The following PI4KA variants were observed in gnomAD, a reference collection of about 807,000 sequenced individuals.
PI4KA encodes the protein PI4-kinase alpha.
Under a neutral mutation model 271.4 loss-of-function variants are expected in PI4KA, and 122 were observed. The observed-to-expected ratio is 0.45, with a 90% confidence interval of 0.39 to 0.52. The LOEUF (loss-of-function observed/expected upper bound fraction) is 0.52, where lower values mean the gene tolerates loss of function less well. PI4KA is among the 20% of genes least tolerant of loss of function. The pLI, the probability that PI4KA is intolerant of heterozygous loss-of-function variation, is 0.00. For synonymous variants in PI4KA, 1,041 were observed against 1,078.8 expected, an observed-to-expected ratio of 0.96 and a Z score of 0.69; for missense variants, 1,969 against 2,769.1, an observed-to-expected ratio of 0.71 and a Z score of 6.48.
rs964470690 is a variant in PI4KA at position 20,836,377 on chromosome 22, A to G, written c.274-1722T>C. Among the ~76,000 whole-genome samples, 5 of 152,340 alleles carry G rather than the reference A, an allele frequency of 3.3e-5. No homozygotes were observed. The East Asian group carries it at 9.7e-4, about 29-fold the overall frequency. ...AAAACAAAGAACTTTATCAAAAACA[A>G]AAGTTTTTTCTCTAAACCATAAAAA... On this transcript the variant is annotated intron_variant, in intron 2 of 54. Coordinates refer to ENST00000255882, the MANE Select transcript of PI4KA (RefSeq NM_058004.4).
At chr22:20,758,459 C>CTT (rs35401829) in intron 23 of PI4KA, among the ~76,000 whole-genome samples, 966 of 84,990 alleles carry the variant, frequency 0.011, 18 homozygotes, top group East Asian at 0.057. Context: ...TCTTTCTTTT[C>CTT]TTTTTTTTTT....
chr22:20,813,061 T>A (rs1421499306), intron 8 of PI4KA, among the ~76,000 whole-genome samples: 2 of 152,210 alleles, frequency 1.3e-5, no homozygotes, highest in Non-Finnish European at 2.9e-5. Flanking sequence ...CTGGACTGGA[T>A]GCAGCCCAGC....
At chr22:20,727,466 G>T in intron 40 of PI4KA, 69 bp from the exon 41 acceptor site, 1 of 1,385,132 alleles carries the variant, frequency 7.2e-7, no homozygotes. Flanking sequence ...CTGGTCCACG[G>T]GCCACACAAG....
chr22:20,851,579 G>A (rs1275985536), intron 1 of PI4KA, among the ~76,000 whole-genome samples: 1 of 152,094 alleles, frequency 6.6e-6, no homozygotes, highest in East Asian at 1.9e-4. Context: ...CTCAGGTGAT[G>A]TGCCTGCCTC....
chr22:20,837,117 G>C (rs187375716), intron 2 of PI4KA, among the ~76,000 whole-genome samples: 1 of 152,162 alleles, frequency 6.6e-6, no homozygotes, highest in African/African-American at 2.4e-5. Context: ...AGCTGGGTAT[G>C]GTGGCACATG....
chr22:20,853,568 G>GGGT (rs1927246860), intron 1 of PI4KA, among the ~76,000 whole-genome samples: 1 of 152,216 alleles, frequency 6.6e-6, no homozygotes, highest in African/African-American at 2.4e-5. Flanking sequence ...GGAGAGGGCT[G>GGGT]AGGACTGGGT....
At chr22:20,758,437 G>T (rs1439434657) in intron 23 of PI4KA, among the ~76,000 whole-genome samples, 2 of 134,662 alleles carry the variant, frequency 1.5e-5, no homozygotes, top group East Asian at 2.2e-4. Context: ...AAGATTTTTT[G>T]TGTGTGATTT....
intron 19 of PI4KA, among the ~76,000 whole-genome samples, chr22:20,767,936 A>T (rs1455696910): frequency 1.4e-5 from 2 of 141,544 alleles, no homozygotes; most frequent in Non-Finnish European, 1.5e-5. Context: ...CACCTGGCCT[A>T]ATTATTATTA....
At chr22:20,816,856 G>C (rs890603794) in intron 7 of PI4KA, among the ~76,000 whole-genome samples, 26 of 152,210 alleles carry the variant, frequency 1.7e-4, no homozygotes, top group African/African-American at 6.3e-4. Context: ...TACTGGATGT[G>C]CTCAAAGTGG....
intron 54 of PI4KA, 61 bp downstream of exon 54, chr22:20,709,235 C>A (rs1431199999): frequency 1.4e-6 from 1 of 739,394 alleles, no homozygotes; most frequent in Non-Finnish European, 2.4e-6. Flanking sequence ...GCAGGCAAGG[C>A]CCTGCAGGTG....
At chr22:20,795,827 CT>C (rs1934950022) in intron 18 of PI4KA, among the ~76,000 whole-genome samples, 1 of 152,146 alleles carries the variant, frequency 6.6e-6, no homozygotes, top group Non-Finnish European at 1.5e-5. Flanking sequence ...GCTACCACCC[CT>C]GGGCTTCATG....
rs1056140494 is a variant in PI4KA at position 20,761,526 on chromosome 22, T to C, written c.2709-140A>G. On this transcript the variant is annotated intron_variant, in intron 22 of 54. Coordinates refer to ENST00000255882, the MANE Select transcript of PI4KA (RefSeq NM_058004.4). Reference sequence around the variant, plus strand: ...TAAGGGTGCACACTGAGGTGGACTTTTTGGAGGGTGAGGTGCACCATCTAT... The same window carrying C: ...TAAGGGTGCACACTGAGGTGGACTTCTTGGAGGGTGAGGTGCACCATCTAT... 7.2e-5 allele frequency: 47 copies of C among 656,386 alleles called. No individual in the cohort carries two copies. The African/African-American group carries it at 8.2e-4, about 11-fold the overall frequency. The allele number at this position is 656,386 out of a possible 1,614,324, so 40.7% of individuals were successfully genotyped here. A position where few individuals can be genotyped will look rare whatever the true frequency, so the allele number is the denominator to read the frequency against.
Position 20,793,067 on chromosome 22 carries a change from C to T in PI4KA, c.2328+126G>A, listed in dbSNP as rs1934750884. ...AAAAGCTGGTGATGGCTGCAGCAGT[C>T]ACATCTAGAGGCATAGGGGCCTCAA... On this transcript the variant is annotated intron_variant, in intron 19 of 54. Transcript: ENST00000255882. 1.5e-5 allele frequency: 10 copies of T among 660,568 alleles called. No individual in the cohort carries two copies. The South Asian group carries it at 1.7e-4, about 11-fold the overall frequency. 40.9% of individuals were successfully genotyped at this position (660,568 alleles called of 1,614,324 possible). A position where few individuals can be genotyped will look rare whatever the true frequency, so the allele number is the denominator to read the frequency against.
At chr22:20,711,764 T>A (rs963365895) in intron 50 of PI4KA, among the ~76,000 whole-genome samples, 5 of 151,974 alleles carry the variant, frequency 3.3e-5, no homozygotes, top group Non-Finnish European at 7.4e-5. Context: ...GTTTTTTTTT[T>A]AAATGGAGTC....
At chr22:20,749,836 TG>T in intron 28 of PI4KA, 68 bp downstream of exon 28, 2 of 923,630 alleles carry the variant, frequency 2.2e-6, no homozygotes, top group South Asian at 2.7e-5. Flanking sequence ...GAGTTCTTCA[TG>T]TCTCTGTAAA....
At chr22:20,774,041 T>C (rs903733317) in intron 19 of PI4KA, 1 of 152,178 alleles carries the variant, frequency 6.6e-6, no homozygotes, top group Non-Finnish European at 1.5e-5. Flanking sequence ...CTTATTTACT[T>C]TGGAAAATAT....
At chr22:20,787,123 C>A in intron 19 of PI4KA, 1 of 1,451,810 alleles carries the variant, frequency 6.9e-7, no homozygotes, top group Non-Finnish European at 9.7e-7. Context: ...TGTTTCCATT[C>A]CAACAACGAG....
intron 19 of PI4KA, chr22:20,787,347 G>A (rs1934330172): frequency 2.2e-6 from 1 of 465,000 alleles, no homozygotes; most frequent in Non-Finnish European, 4.0e-6. Flanking sequence ...CAGCAAACCT[G>A]AGCAGCGCGT....
intron 42 of PI4KA, chr22:20,721,633 T>C: frequency 3.6e-6 from 2 of 549,990 alleles, no homozygotes; most frequent in East Asian, 5.8e-5. Context: ...GGGGGCAGGG[T>C]TGCAAAGCGG....
Sources: gnomAD v4.1 joint callset for allele counts (sites outside exome capture counted in the v4.1 genomes callset) on GRCh38, gnomAD v4.1.1 for gene constraint, MANE v1.5 for transcripts, NCBI Gene and HGNC (gene_info 2026-07-23, HGNC 2026-07-21) for gene names.